FMN2: variants seen among roughly 807,000 people sequenced by gnomAD.
The protein encoded by FMN2 is formin-2.
A neutral mutation model predicts 142.3 loss-of-function variants in FMN2; 51 were observed. The observed-to-expected ratio is 0.36, with a 90% confidence interval of 0.29 to 0.45. The LOEUF (loss-of-function observed/expected upper bound fraction) is 0.45. FMN2 is among the 20% of genes least tolerant of loss of function. The pLI is 1.00. For synonymous variants in FMN2, 882 were observed against 869.8 expected (o/e 1.01, Z -0.25); for missense variants, 1,936 against 2,122.8 (o/e 0.91, Z 1.73).
At chr1:240,376,610 T>TTATA (rs1413270840) in intron 14 of FMN2, among the ~76,000 whole-genome samples, 1 of 152,136 alleles carries the variant, frequency 6.6e-6, no homozygotes, top group African/African-American at 2.4e-5. Context: ...TACATAGTAT[T>TTATA]TATATTATAT....
At chr1:240,466,549 T>C (rs1327402500) in intron 16 of FMN2, among the ~76,000 whole-genome samples, 1 of 152,222 alleles carries the variant, frequency 6.6e-6, no homozygotes, top group Non-Finnish European at 1.5e-5. Context: ...AATAACCTTA[T>C]AGTCATATTC....
At chr1:240,452,198 T>A (rs1420252350) in intron 16 of FMN2, among the ~76,000 whole-genome samples, 2 of 152,000 alleles carry the variant, frequency 1.3e-5, no homozygotes, top group African/African-American at 4.8e-5. Flanking sequence ...CTCAAAAAAA[T>A]AAATAAATAA....
intron 6 of FMN2, among the ~76,000 whole-genome samples, chr1:240,212,021 G>C (rs1666709570): frequency 6.6e-6 from 1 of 151,918 alleles, no homozygotes; most frequent in South Asian, 2.1e-4. Context: ...ACTTTTGCAG[G>C]GTGGCAGGAA....
chr1:240,262,006 G>A (rs1668650559), intron 7 of FMN2, among the ~76,000 whole-genome samples: 2 of 152,222 alleles, frequency 1.3e-5, no homozygotes, highest in South Asian at 2.1e-4. Context: ...CACTCTGGGG[G>A]CTGTAGGAGG....
intron 2 of FMN2, among the ~76,000 whole-genome samples, chr1:240,141,338 A>G (rs1032098744): frequency 2.1e-5 from 3 of 139,538 alleles, no homozygotes; most frequent in Non-Finnish European, 4.7e-5. Context: ...ATAACAGGCA[A>G]CGGTATTTTA....
intron 6 of FMN2, among the ~76,000 whole-genome samples, chr1:240,228,088 G>A (rs1013194558): frequency 9.9e-5 from 15 of 151,984 alleles, no homozygotes; most frequent in African/African-American, 3.6e-4. Flanking sequence ...TGGATCACCT[G>A]AGGTCGGGAG....
intron 7 of FMN2, among the ~76,000 whole-genome samples, chr1:240,289,523 A>G (rs1245189847): frequency 6.6e-6 from 1 of 152,016 alleles, no homozygotes; most frequent in Non-Finnish European, 1.5e-5. Context: ...TTAAAAAAAT[A>G]GAAATATTAT....
At chr1:240,455,914 G>T (rs1323322183) in intron 16 of FMN2, among the ~76,000 whole-genome samples, 2 of 152,066 alleles carry the variant, frequency 1.3e-5, no homozygotes, top group South Asian at 2.1e-4. Context: ...GGCAGAGGCC[G>T]CAGTGAGCCA....
chr1:240,404,248 T>A (rs921621798), intron 15 of FMN2, among the ~76,000 whole-genome samples: 18 of 152,210 alleles, frequency 1.2e-4, no homozygotes, highest in African/African-American at 4.3e-4. Context: ...TGTCAGTTTG[T>A]AAAATGTTTA....
intron 1 of FMN2, among the ~76,000 whole-genome samples, chr1:240,121,362 T>A (rs1571948356): frequency 1.3e-5 from 2 of 150,170 alleles, no homozygotes; most frequent in Non-Finnish European, 3.0e-5. Context: ...TCAGCCAGTG[T>A]CTTATTTTTT....
At chr1:240,222,978 C>A (rs943858180) in intron 6 of FMN2, among the ~76,000 whole-genome samples, 2 of 152,160 alleles carry the variant, frequency 1.3e-5, no homozygotes, top group South Asian at 2.1e-4. Context: ...CCCTTTATTT[C>A]TTTCTTTTGC....
chr1:240,132,970 A>C (rs1305382354), intron 2 of FMN2, among the ~76,000 whole-genome samples: 1 of 152,138 alleles, frequency 6.6e-6, no homozygotes, highest in Non-Finnish European at 1.5e-5. Context: ...GACATTTGAC[A>C]ATGTCCAAAG....
At chr1:240,346,390 C>G (rs1671908691) in intron 13 of FMN2, among the ~76,000 whole-genome samples, 1 of 152,060 alleles carries the variant, frequency 6.6e-6, no homozygotes, top group South Asian at 2.1e-4. Context: ...CTCTCTCTCC[C>G]TCTTAAAATG....
chr1:240,442,118 T>G (rs1008585367), intron 16 of FMN2, among the ~76,000 whole-genome samples: 2 of 152,116 alleles, frequency 1.3e-5, no homozygotes. Flanking sequence ...TTTTCAAATG[T>G]CCTCTCTCTA....
At chr1:240,313,663 A>G (rs754333072) in intron 8 of FMN2, among the ~76,000 whole-genome samples, 1 of 152,104 alleles carries the variant, frequency 6.6e-6, no homozygotes, top group Non-Finnish European at 1.5e-5. Context: ...TATTAAAATA[A>G]TGTATATAAA....
At chr1:240,144,197 A>G (rs921378515) in intron 2 of FMN2, 1 of 1,505,192 alleles carries the variant, frequency 6.6e-7, no homozygotes, top group African/African-American at 1.4e-5. Flanking sequence ...ATTTGTTGCC[A>G]TCATCGTTAG....
intron 6 of FMN2, among the ~76,000 whole-genome samples, chr1:240,238,428 T>C (rs2102862529): frequency 6.6e-6 from 1 of 152,330 alleles, no homozygotes; most frequent in South Asian, 2.1e-4. Flanking sequence ...ACAGTGTATC[T>C]CTTCATCATG....
At position 240,093,678 on chromosome 1, in the gene FMN2, G is replaced by A. The variant is rs777915608; in HGVS notation, c.1569G>A (p.Ala523=). The stretch of plus-strand genomic sequence containing the variant: ...TGTCCCCAGCACTGGCCGCCAAGGC[G>A]TCTGGGGCCCCCGCGGCTGCGGATG... ...GGVSPALAAK[A]SGAPAAADGF... The change falls in exon 1 of 18, where the codon GCG becomes GCA. Residue 523 remains alanine, a synonymous_variant. Transcript: ENST00000319653. 2.2e-5 allele frequency: 30 copies of A among 1,358,056 alleles called. No homozygotes were observed. The highest frequency in any genetic ancestry group is 2.0e-5 in the South Asian group (1 of 48,922). 84.1% of individuals were successfully genotyped at this position (1,358,056 alleles called of 1,614,324 possible).
At chr1:240,177,866 TA>T (rs1664984943) in intron 2 of FMN2, 54 bp from the exon 3 acceptor site, 1 of 1,451,076 alleles carries the variant, frequency 6.9e-7, no homozygotes, top group Non-Finnish European at 9.1e-7. Flanking sequence ...AGTCATGGCT[TA>T]TTTTTTTGTA....
Sources: allele counts gnomAD v4.1 joint callset (sites outside exome capture counted in the v4.1 genomes callset), GRCh38; gene constraint gnomAD v4.1.1; transcripts MANE v1.5; gene names NCBI Gene and HGNC (gene_info 2026-07-23, HGNC 2026-07-21).